KAZN: variants seen among roughly 807,000 people sequenced by gnomAD.
KAZN encodes the protein kazrin, periplakin interacting protein, also known as kazrin.
A neutral mutation model predicts 87.4 loss-of-function variants in KAZN; 40 were observed. The ratio of observed to expected loss-of-function variants is 0.46; its 90% CI spans 0.36 to 0.60. KAZN has a LOEUF of 0.60. Among genes scored for constraint, KAZN ranks in the 20% least tolerant of loss-of-function variants. KAZN has a pLI of 0.00. For synonymous variants in KAZN, 466 were observed against 458.3 expected, an observed-to-expected ratio of 1.02 and a Z score of -0.22; for missense variants, 898 against 1,073.9, an observed-to-expected ratio of 0.84 and a Z score of 2.29.
intron 2 of KAZN, among the ~76,000 whole-genome samples, chr1:14,427,454 C>A (rs1665795056): frequency 6.6e-6 from 1 of 152,088 alleles, no homozygotes; most frequent in Non-Finnish European, 1.5e-5. Flanking sequence ...AGTTATCCTA[C>A]CTCACTCAGC....
chr1:13,982,452 C>G (rs911232967), intron 1 of KAZN, among the ~76,000 whole-genome samples: 6 of 152,174 alleles, frequency 3.9e-5, no homozygotes, highest in Non-Finnish European at 7.3e-5. Flanking sequence ...TGTTACAGCT[C>G]ATAAAAGCAG....
intron 1 of KAZN, among the ~76,000 whole-genome samples, chr1:14,783,369 A>C (rs982342698): frequency 1.5e-4 from 23 of 152,070 alleles, no homozygotes; most frequent in African/African-American, 5.1e-4. Context: ...CAAGAGGAAG[A>C]GCCCACATGC....
intron 1 of KAZN, among the ~76,000 whole-genome samples, chr1:14,670,633 A>G (rs759643593): frequency 6.6e-6 from 1 of 152,302 alleles, no homozygotes; most frequent in East Asian, 1.9e-4. Flanking sequence ...AGGCCTTCCA[A>G]ATGAGCCCGA....
chr1:14,072,585 T>C (rs1409736854), intron 1 of KAZN, among the ~76,000 whole-genome samples: 1 of 152,190 alleles, frequency 6.6e-6, no homozygotes, highest in Non-Finnish European at 1.5e-5. Flanking sequence ...CAAAACATTT[T>C]ACAATAATAA....
chr1:14,254,077 T>C (rs1166616724), intron 2 of KAZN, among the ~76,000 whole-genome samples: 1 of 152,120 alleles, frequency 6.6e-6, no homozygotes, highest in Non-Finnish European at 1.5e-5. Context: ...TAAAAATCTG[T>C]TCTATCTGAT....
intron 1 of KAZN, among the ~76,000 whole-genome samples, chr1:14,613,363 A>G (rs1383209734): frequency 6.6e-6 from 1 of 152,232 alleles, no homozygotes; most frequent in East Asian, 1.9e-4. Context: ...GCAGGCACAC[A>G]GTATTAACAT....
At chr1:15,048,599 C>CGATCCTTGGTCGTT (rs1673856918) in intron 4 of KAZN, among the ~76,000 whole-genome samples, 1 of 124,274 alleles carries the variant, frequency 8.0e-6, no homozygotes, top group Non-Finnish European at 1.7e-5. Context: ...CCTGGGTCGT[C>CGATCCTTGGTCGTT]GGTCCTGGGT....
At chr1:14,556,074 G>A (rs1673848777) in intron 2 of KAZN, among the ~76,000 whole-genome samples, 1 of 151,716 alleles carries the variant, frequency 6.6e-6, no homozygotes. Context: ...AATCCTACAA[G>A]CTAGGAGGCT....
intron 1 of KAZN, among the ~76,000 whole-genome samples, chr1:14,759,145 G>A (rs758447088): frequency 2.0e-4 from 30 of 152,156 alleles, no homozygotes; most frequent in Non-Finnish European, 4.3e-4. Context: ...ATAAAAATCC[G>A]TGGGGGAGGG....
At chr1:14,272,719 A>C (rs1013186410) in intron 2 of KAZN, among the ~76,000 whole-genome samples, 1 of 151,962 alleles carries the variant, frequency 6.6e-6, no homozygotes, top group Non-Finnish European at 1.5e-5. Flanking sequence ...TTAGCTGGGC[A>C]TGGTGGCGGG....
chr1:14,197,387 T>TAA (rs35290614), intron 2 of KAZN, among the ~76,000 whole-genome samples: 9,560 of 102,152 alleles, frequency 0.094, 856 homozygotes, highest in African/African-American at 0.22. Context: ...AAGTAAATGT[T>TAA]AAAAAAAAAA....
intron 2 of KAZN, among the ~76,000 whole-genome samples, chr1:14,191,675 G>C (rs1367297698): frequency 1.3e-5 from 2 of 152,076 alleles, no homozygotes; most frequent in Non-Finnish European, 2.9e-5. Flanking sequence ...AATTTAACTA[G>C]AAAGGACTTT....
At chr1:14,952,846 G>T (rs1662658512) in intron 1 of KAZN, among the ~76,000 whole-genome samples, 1 of 152,202 alleles carries the variant, frequency 6.6e-6, no homozygotes, top group African/African-American at 2.4e-5. Flanking sequence ...TGATCATGAT[G>T]AGCTACATTT....
intron 2 of KAZN, among the ~76,000 whole-genome samples, chr1:14,252,026 G>A (rs1650093921): frequency 6.6e-6 from 1 of 152,126 alleles, no homozygotes; most frequent in African/African-American, 2.4e-5. Flanking sequence ...AGGAAAGGGG[G>A]ACACTGCAGT....
At chr1:14,894,287 C>A (rs1655029202) in intron 1 of KAZN, among the ~76,000 whole-genome samples, 1 of 152,176 alleles carries the variant, frequency 6.6e-6, no homozygotes, top group Non-Finnish European at 1.5e-5. Flanking sequence ...CCCTGCTTTG[C>A]CATTTGCTGT....
intron 2 of KAZN, among the ~76,000 whole-genome samples, chr1:14,552,420 C>A (rs1435748590): frequency 6.6e-6 from 1 of 152,232 alleles, no homozygotes; most frequent in Non-Finnish European, 1.5e-5. Context: ...CCCTCCGTAC[C>A]ACGGCTCCCC....
At chr1:14,028,154 C>A (rs895112868) in intron 1 of KAZN, among the ~76,000 whole-genome samples, 10 of 151,878 alleles carry the variant, frequency 6.6e-5, no homozygotes, top group Admixed American at 6.6e-5. Flanking sequence ...TAGCCTCTTT[C>A]TTCAAGCTTT....
chr1:14,374,744 T>G (rs930778904), intron 2 of KAZN, among the ~76,000 whole-genome samples: 1 of 151,922 alleles, frequency 6.6e-6, no homozygotes, highest in Non-Finnish European at 1.5e-5. Context: ...GCCCCTCGAG[T>G]GTAGTTTAAG....
At chr1:14,354,369 AAAGAC>A (rs1490777915) in intron 2 of KAZN, among the ~76,000 whole-genome samples, 1 of 152,206 alleles carries the variant, frequency 6.6e-6, no homozygotes, top group East Asian at 1.9e-4. Context: ...AAGAAAATGA[AAAGAC>A]AAGCCAGGAG....
Sources: gnomAD v4.1 joint callset for allele counts (sites outside exome capture counted in the v4.1 genomes callset) on GRCh38, gnomAD v4.1.1 for gene constraint, MANE v1.5 for transcripts, NCBI Gene and HGNC (gene_info 2026-07-23, HGNC 2026-07-21) for gene names.